The following LTBP1 variants were observed in gnomAD, a reference collection of about 807,000 sequenced individuals.
LTBP1 encodes latent transforming growth factor beta binding protein 1.
Under a neutral mutation model 207.6 loss-of-function variants are expected in LTBP1, and 129 were observed. That is an observed-to-expected ratio of 0.62 (90% CI 0.54 to 0.72). The LOEUF (loss-of-function observed/expected upper bound fraction) is 0.72, where lower values mean the gene tolerates loss of function less well. Ranked by LOEUF, LTBP1 falls within the 30% of genes least tolerant of loss-of-function variation. LTBP1 has a pLI of 0.00. For missense variants in LTBP1, 2,281 were observed against 2,217.2 expected, an observed-to-expected ratio of 1.03 and a Z score of -0.58; for synonymous variants, 963 against 833.7, an observed-to-expected ratio of 1.16 and a Z score of -2.67.
rs1323005803 is a variant in LTBP1 at position 33,087,084 on chromosome 2, C to CCTT, written c.864-23498_864-23497insCTT. ...AGCACCAGGCTGTCCCTCCTTTATG[C>CCTT]TTTTTTTTTTTTTTTTTTTTTTTTG... is the stretch of plus-strand genomic sequence containing the variant. On this transcript the variant is annotated intron_variant, in intron 3 of 33. Coordinates refer to ENST00000404816, the MANE Select transcript of LTBP1 (RefSeq NM_206943.4). 4.7e-3 allele frequency among the ~76,000 whole-genome samples: 420 copies of CCTT among 88,932 alleles called. 1 individual carries two copies. The highest frequency in any genetic ancestry group is 7.7e-3 in the Non-Finnish European group (371 of 48,336). The allele number at this position is 88,932 out of a possible 152,430, so 58.3% of individuals were successfully genotyped here.
In LTBP1 at chr2:32,947,543, C is replaced by A; in HGVS notation, c.219C>A (p.Ser73Arg). 7.2e-7 allele frequency: 1 copy of A among 1,382,608 alleles called. No homozygotes were observed. The highest frequency in any genetic ancestry group is 9.3e-7 in the Non-Finnish European group (1 of 1,070,360). 85.6% of individuals were successfully genotyped at this position (1,382,608 alleles called of 1,614,324 possible). A position where few individuals can be genotyped will look rare whatever the true frequency, so the allele number is the denominator to read the frequency against. ...GCTCGGCGGCTGCCGGCGCCCCCAG[C>A]CGTGCCTCCCCCGGGGTCCCCTCGG... ...SRSSAAAGAPSRASPGVPSER... is the reference protein window; with the variant it reads ...SRSSAAAGAPRRASPGVPSER... The change falls in exon 1 of 34, where the codon AGC becomes AGA. Residue 73 changes from serine to arginine, a missense_variant. Around this residue, in one of 3 missense-constraint regions of LTBP1, gnomAD observed 555 missense variants for 491.0 expected, o/e 1.13. Transcript: ENST00000404816.
chr2:33,295,738 A>T (rs2093862056), intron 20 of LTBP1, among the ~76,000 whole-genome samples: 1 of 152,150 alleles, frequency 6.6e-6, no homozygotes, highest in Admixed American at 6.5e-5. Flanking sequence ...AGGGTAAAAG[A>T]GGAAATAAGT....
chr2:33,203,563 G>C (rs1181439074), intron 7 of LTBP1, among the ~76,000 whole-genome samples: 2 of 152,122 alleles, frequency 1.3e-5, no homozygotes, highest in Non-Finnish European at 2.9e-5. Context: ...CCACCTGCCC[G>C]GACCTGTTTA....
intron 9 of LTBP1, 106 bp downstream of exon 9, chr2:33,222,257 A>G (rs2091159153): frequency 1.3e-6 from 1 of 772,124 alleles, no homozygotes; most frequent in African/African-American, 1.7e-5. Context: ...TGTCACAGTG[A>G]ACCACCTCAT....
At chr2:33,367,570 T>C (rs1192440663) in intron 31 of LTBP1, among the ~76,000 whole-genome samples, 1 of 152,194 alleles carries the variant, frequency 6.6e-6, no homozygotes, top group Non-Finnish European at 1.5e-5. Flanking sequence ...GTACCCATTG[T>C]TTAGCTACCA....
rs935564023 is a variant in LTBP1 at position 32,947,824 on chromosome 2, C to A, written c.494+6C>A. Reference sequence around the variant, plus strand: ...CAGAAGCAGCAGCTGCAGGGGTAAGCCCACACCCCCTTCCGCCCGCCCGCC... The same window carrying A: ...CAGAAGCAGCAGCTGCAGGGGTAAGACCACACCCCCTTCCGCCCGCCCGCC... On this transcript the variant is annotated splice_donor_region_variant and intron_variant, in intron 1 of 33. Transcript: ENST00000404816. 51 of 1,334,840 alleles carry A rather than the reference C, an allele frequency of 3.8e-5. No homozygotes were observed. Among genetic ancestry groups the A allele is most frequent in the Non-Finnish European group, 4.8e-5 (50 of 1,034,858 alleles). The allele number at this position is 1,334,840 out of a possible 1,614,324, so 82.7% of individuals were successfully genotyped here.
intron 7 of LTBP1, among the ~76,000 whole-genome samples, chr2:33,199,829 T>G (rs1187963194): frequency 6.6e-6 from 1 of 151,952 alleles, no homozygotes; most frequent in African/African-American, 2.4e-5. Context: ...TATACACCAA[T>G]AACAGACAAA....
intron 26 of LTBP1, among the ~76,000 whole-genome samples, chr2:33,348,614 T>C (rs568801312): frequency 2.6e-5 from 4 of 152,364 alleles, no homozygotes; most frequent in East Asian, 3.9e-4. Flanking sequence ...GTCTTTTTCT[T>C]ATTTTTGTTT....
At chr2:33,030,988 T>G (rs1342753800) in intron 3 of LTBP1, among the ~76,000 whole-genome samples, 1 of 152,204 alleles carries the variant, frequency 6.6e-6, no homozygotes, top group African/African-American at 2.4e-5. Context: ...GCTTATAATT[T>G]TCTTTAATTT....
At chr2:32,950,361 A>G (rs913224499) in intron 2 of LTBP1, among the ~76,000 whole-genome samples, 1 of 152,158 alleles carries the variant, frequency 6.6e-6, no homozygotes, top group African/African-American at 2.4e-5. Context: ...GTTCGAGACC[A>G]GCCTGGGCAG....
chr2:33,093,583 A>G (rs1483999186), intron 3 of LTBP1, among the ~76,000 whole-genome samples: 3 of 152,060 alleles, frequency 2.0e-5, no homozygotes, highest in Non-Finnish European at 4.4e-5. Flanking sequence ...TCTTGATTTC[A>G]TTCTTAAGAC....
At chr2:33,287,629 T>G (rs1028211941) in intron 19 of LTBP1, among the ~76,000 whole-genome samples, 1 of 152,196 alleles carries the variant, frequency 6.6e-6, no homozygotes, top group Admixed American at 6.5e-5. Flanking sequence ...GCCAATAATT[T>G]GGTGGGATTA....
chr2:33,353,481 A>G (rs998764734), intron 26 of LTBP1, among the ~76,000 whole-genome samples: 2 of 152,214 alleles, frequency 1.3e-5, no homozygotes, highest in Non-Finnish European at 2.9e-5. Context: ...ACTGCTGAGC[A>G]CGGCGCCTGA....
chr2:33,259,144 G>A (rs1273562697), intron 12 of LTBP1, among the ~76,000 whole-genome samples: 1 of 152,142 alleles, frequency 6.6e-6, no homozygotes, highest in Non-Finnish European at 1.5e-5. Context: ...GTCTCTTACT[G>A]AAATAAGTGA....
chr2:33,058,344 T>C (rs1315092673), intron 3 of LTBP1, among the ~76,000 whole-genome samples: 1 of 152,178 alleles, frequency 6.6e-6, no homozygotes, highest in African/African-American at 2.4e-5. Context: ...AAAAGAAAAT[T>C]AGAAGTCTAC....
rs879714056 is a variant in LTBP1 at position 33,078,857 on chromosome 2, C to CTTTTTTTTTT, written c.864-31721_864-31720insTTTTTTTTTT. On this transcript the variant is annotated intron_variant, in intron 3 of 33. Transcript: ENST00000404816. Reference sequence around the variant, plus strand: ...CTTCTCTTCTGTTTTCTTTTCTTTTCTTTTCTTTTTTTTTTTTTTTGAGAC... The same window carrying CTTTTTTTTTT: ...CTTCTCTTCTGTTTTCTTTTCTTTTCTTTTTTTTTTTTTTCTTTTTTTTTTTTTTTGAGAC... Among the ~76,000 whole-genome samples the CTTTTTTTTTT allele has an allele frequency of 2.9e-3, 269 of 92,088 alleles. 9 individuals are homozygous for CTTTTTTTTTT. The highest frequency in any genetic ancestry group is 0.015 in the East Asian group (31 of 2,108). The allele number at this position is 92,088 out of a possible 152,430, so 60.4% of individuals were successfully genotyped here.
At chr2:33,141,098 A>G (rs932133054) in intron 5 of LTBP1, among the ~76,000 whole-genome samples, 5 of 152,248 alleles carry the variant, frequency 3.3e-5, no homozygotes, top group Non-Finnish European at 7.3e-5. Flanking sequence ...GCAGTGCACT[A>G]AATAAAAGTC....
At chr2:32,994,388 G>A (rs1684914798) in intron 2 of LTBP1, among the ~76,000 whole-genome samples, 1 of 152,016 alleles carries the variant, frequency 6.6e-6, no homozygotes. Flanking sequence ...TGCCCAAGGT[G>A]ACACAGCCAG....
rs780888364 is a variant in LTBP1 at position 33,360,690 on chromosome 2, C to T, written c.4094C>T (p.Pro1365Leu). 1.2e-6 allele frequency: 2 copies of T among 1,613,404 alleles called. No homozygotes were observed. Among genetic ancestry groups the T allele is most frequent in the Non-Finnish European group, 1.7e-6 (2 of 1,179,460 alleles). The change falls in exon 27 of 34, where the codon CCC becomes CTC. Residue 1365 changes from proline (P) to leucine (L), a missense_variant. Transcript: ENST00000404816. ...DASLCDNVLA[P>L]NVTKQECCCT... is the part of the protein sequence containing the mutation. Reference sequence around the variant, plus strand: ...AGTCTCTGTGATAATGTGTTGGCCCCCAATGTCACGAAACAAGAATGCTGC... The same window carrying T: ...AGTCTCTGTGATAATGTGTTGGCCCTCAATGTCACGAAACAAGAATGCTGC...
Sources: allele counts gnomAD v4.1 joint callset (sites outside exome capture counted in the v4.1 genomes callset), GRCh38; gene constraint gnomAD v4.1.1; regional missense constraint gnomAD v4.1.1; transcripts MANE v1.5; gene names NCBI Gene and HGNC (gene_info 2026-07-23, HGNC 2026-07-21).